RELN: variants seen among roughly 807,000 people sequenced by gnomAD.
RELN encodes the protein reelin.
A neutral mutation model predicts 427.6 loss-of-function variants in RELN; 108 were observed. That is an observed-to-expected ratio of 0.25 (90% CI 0.22 to 0.30). RELN has a LOEUF of 0.30. RELN is among the 10% of genes least tolerant of loss of function. The pLI, the probability that RELN is intolerant of heterozygous loss-of-function variation, is 1.00. For synonymous variants in RELN, 1,524 were observed against 1,513.4 expected (o/e 1.01, Z -0.16); for missense variants, 3,715 against 4,302.8 (o/e 0.86, Z 3.82).
chr7:103,930,982 T>C (rs890642580), intron 1 of RELN, among the ~76,000 whole-genome samples: 3 of 151,944 alleles, frequency 2.0e-5, no homozygotes, highest in African/African-American at 7.3e-5. Context: ...TACTCCTCAT[T>C]ATAACAAGTT....
chr7:103,497,989 C>A, intron 54 of RELN, 63 bp from the exon 55 acceptor site: 1 of 1,600,678 alleles, frequency 6.2e-7, no homozygotes, highest in Middle Eastern at 1.7e-4. Context: ...TACTCAAGTC[C>A]TGGATAATTT....
chr7:103,770,632 T>C (rs553415782), intron 4 of RELN, among the ~76,000 whole-genome samples: 62 of 143,502 alleles, frequency 4.3e-4, no homozygotes, highest in Non-Finnish European at 7.8e-4. Flanking sequence ...GGTGCCTACC[T>C]CTTTCCTTAT....
At chr7:103,645,126 A>C (rs1295661136) in intron 16 of RELN, among the ~76,000 whole-genome samples, 1 of 151,844 alleles carries the variant, frequency 6.6e-6, no homozygotes, top group Non-Finnish European at 1.5e-5. Context: ...ATGCTAAGGG[A>C]GTTCTAAACA....
intron 1 of RELN, among the ~76,000 whole-genome samples, chr7:103,972,586 G>A (rs1006122551): frequency 6.6e-6 from 1 of 152,074 alleles, no homozygotes; most frequent in African/African-American, 2.4e-5. Context: ...AATGACTGGC[G>A]TTGGCCATCT....
At chr7:103,821,615 C>T (rs1360748952) in intron 3 of RELN, among the ~76,000 whole-genome samples, 3 of 152,084 alleles carry the variant, frequency 2.0e-5, no homozygotes, top group Non-Finnish European at 4.4e-5. Context: ...TTGCACTTAG[C>T]AAATAAGGAT....
intron 10 of RELN, among the ~76,000 whole-genome samples, chr7:103,696,853 GCTCT>G (rs1345975645): frequency 3.9e-5 from 6 of 152,074 alleles, no homozygotes; most frequent in African/African-American, 1.4e-4. Flanking sequence ...CACTTCAGTG[GCTCT>G]CTATCACCTT....
chr7:103,510,826 T>C (rs1259904860), intron 51 of RELN, 25 bp downstream of exon 51: 5 of 1,588,192 alleles, frequency 3.1e-6, no homozygotes, highest in African/African-American at 1.3e-5. Context: ...TGGTTGTTTA[T>C]ATAATCAAGA....
intron 3 of RELN, among the ~76,000 whole-genome samples, chr7:103,782,238 A>G (rs531075719): frequency 1.3e-5 from 2 of 152,280 alleles, no homozygotes; most frequent in East Asian, 3.9e-4. Context: ...AGCCTGTGAT[A>G]TTTTCAACCT....
chr7:103,642,957 C>T (rs1443946894), intron 16 of RELN, among the ~76,000 whole-genome samples: 1 of 151,996 alleles, frequency 6.6e-6, no homozygotes, highest in Non-Finnish European at 1.5e-5. Flanking sequence ...GATGTTTTTG[C>T]AAATTCACTA....
intron 1 of RELN, among the ~76,000 whole-genome samples, chr7:103,930,883 T>TGC (rs948551592): frequency 2.5e-5 from 3 of 121,866 alleles, no homozygotes; most frequent in African/African-American, 1.4e-4. Flanking sequence ...TGTGTGTGTG[T>TGC]GTGTGTGTGT....
At chr7:103,664,541 G>C (rs1562946713) in intron 11 of RELN, among the ~76,000 whole-genome samples, 1 of 152,104 alleles carries the variant, frequency 6.6e-6, no homozygotes, top group East Asian at 1.9e-4. Flanking sequence ...GGAGTTGCTG[G>C]GCAACGTGGT....
Position 103,932,996 on chromosome 7 carries a change from G to A in RELN, c.227-15811C>T, listed in dbSNP as rs555620914. Among the ~76,000 whole-genome samples the A allele has an allele frequency of 3.3e-5, 5 of 152,248 alleles. No individual in the cohort carries two copies. In the South Asian group the frequency reaches 1.0e-3, roughly 32 times the overall value. ...ATTCAAGGGCTACAGGCAGAAGTGT[G>A]TTGGTAAATGTGCAACAACTGCCCC... On this transcript the variant is annotated intron_variant, in intron 1 of 64. Transcript: ENST00000428762.
intron 19 of RELN, among the ~76,000 whole-genome samples, chr7:103,632,916 A>G (rs1832502770): frequency 6.6e-6 from 1 of 152,184 alleles, no homozygotes; most frequent in African/African-American, 2.4e-5. Flanking sequence ...ATTAGACTTC[A>G]TAGTAATTTT....
intron 1 of RELN, among the ~76,000 whole-genome samples, chr7:103,980,761 A>G (rs1480811293): frequency 6.6e-6 from 1 of 152,160 alleles, no homozygotes; most frequent in Non-Finnish European, 1.5e-5. Flanking sequence ...AGGGTTTGCT[A>G]TTGTCACTGT....
rs924491690 is a variant in RELN at position 103,589,952 on chromosome 7, T to C, written c.3913-124A>G. The stretch of plus-strand genomic sequence containing the variant: ...TGCACTGAATTTACAATGATAGGAA[T>C]TGTGAGCTCAGTCCCAACCAAGACC... On this transcript the variant is annotated intron_variant, in intron 27 of 64. Coordinates refer to ENST00000428762, the MANE Select transcript of RELN (RefSeq NM_005045.4). 4.2e-6 allele frequency: 3 copies of C among 711,488 alleles called. No homozygotes were observed. In the African/African-American group the frequency reaches 5.2e-5, roughly 12 times the overall value. The allele number at this position is 711,488 out of a possible 1,614,324, so 44.1% of individuals were successfully genotyped here. A position where few individuals can be genotyped will look rare whatever the true frequency, so the allele number is the denominator to read the frequency against.
intron 2 of RELN, among the ~76,000 whole-genome samples, chr7:103,852,687 GTTGT>G (rs201755049): frequency 0.011 from 1,661 of 151,646 alleles, 29 homozygotes; most frequent in African/African-American, 0.037. Flanking sequence ...TGTTGTTGTT[GTTGT>G]TTGTTTGTTT....
intron 28 of RELN, among the ~76,000 whole-genome samples, chr7:103,583,454 C>T (rs752982603): frequency 5.3e-5 from 8 of 152,150 alleles, no homozygotes; most frequent in Non-Finnish European, 1.0e-4. Context: ...GTATTCCTTA[C>T]AATACAATGA....
chr7:103,601,417 GCA>G (rs1831665172), intron 24 of RELN, among the ~76,000 whole-genome samples: 1 of 152,036 alleles, frequency 6.6e-6, no homozygotes, highest in Non-Finnish European at 1.5e-5. Context: ...TTCTTCACCT[GCA>G]TTAAAACAAA....
At chr7:103,532,490 A>G (rs907313295) in intron 46 of RELN, among the ~76,000 whole-genome samples, 9 of 152,156 alleles carry the variant, frequency 5.9e-5, no homozygotes, top group Non-Finnish European at 8.8e-5. Flanking sequence ...GCTTTTCTGA[A>G]TGCAAATCTG....
Sources: allele counts gnomAD v4.1 joint callset (sites outside exome capture counted in the v4.1 genomes callset), GRCh38; gene constraint gnomAD v4.1.1; transcripts MANE v1.5; gene names NCBI Gene and HGNC (gene_info 2026-07-23, HGNC 2026-07-21).